Variants in LTBP2 observed in about 807,000 individuals in gnomAD.
The protein encoded by LTBP2 is latent-transforming growth factor beta-binding protein 2.
In LTBP2, 103 loss-of-function variants were observed where a neutral mutation model predicts 210.6. The observed-to-expected ratio is 0.49, with a 90% CI of 0.42 to 0.58. The LOEUF is 0.58. LTBP2 is among the 20% of genes least tolerant of loss of function. LTBP2 has a pLI of 0.00. For missense variants in LTBP2, 2,313 were observed against 2,494.5 expected, an observed-to-expected ratio of 0.93 and a Z score of 1.55; for synonymous variants, 1,007 against 1,015.0, an observed-to-expected ratio of 0.99 and a Z score of 0.15.
chr14:74,606,423 C>T (rs1366887988), intron 1 of LTBP2, among the ~76,000 whole-genome samples: 2 of 152,226 alleles, frequency 1.3e-5, no homozygotes, highest in African/African-American at 4.8e-5. Flanking sequence ...CCCCAGTTAC[C>T]CTATGGATTT....
intron 2 of LTBP2, among the ~76,000 whole-genome samples, chr14:74,601,479 C>T (rs747339723): frequency 1.5e-4 from 23 of 152,230 alleles, no homozygotes; most frequent in Non-Finnish European, 2.8e-4. Flanking sequence ...ACCTCTGAGC[C>T]GCCCCCAGGC....
chr14:74,573,291 C>T (rs912301886), intron 3 of LTBP2, among the ~76,000 whole-genome samples: 7 of 152,336 alleles, frequency 4.6e-5, no homozygotes, highest in African/African-American at 1.7e-4. Flanking sequence ...CATGGGAATA[C>T]CCTCCTCACA....
chr14:74,506,177 C>A lies in LTBP2; in HGVS notation c.4048G>T (p.Glu1350Ter). 2 of 1,614,230 alleles carry A rather than the reference C, an allele frequency of 1.2e-6. No individual in the cohort carries two copies. The highest frequency in any genetic ancestry group is 1.7e-6 in the Non-Finnish European group (2 of 1,180,048). The change falls in exon 28 of 36, where the codon GAG becomes TAG. Residue 1350 changes from glutamate to a stop codon, truncating the protein, a stop_gained. Transcript: ENST00000261978. LOFTEE classifies it high-confidence loss of function. The part of the protein sequence containing the change: ...GWDCVDVNEC[E>*]LMLAVCGAAL... ...GCCCCACATACCGCCAGCATAAGCTCACACTCGTTCACATCTGCCAGGTGT... is the reference window on the plus strand; with the variant it reads ...GCCCCACATACCGCCAGCATAAGCTAACACTCGTTCACATCTGCCAGGTGT...
chr14:74,532,709 T>A (rs923512198), intron 9 of LTBP2, among the ~76,000 whole-genome samples, 161 bp from the exon 10 acceptor site: 3 of 152,210 alleles, frequency 2.0e-5, no homozygotes, highest in Admixed American at 2.0e-4. Flanking sequence ...AGTTTCCTCA[T>A]TTGTAAAATG....
intron 2 of LTBP2, among the ~76,000 whole-genome samples, chr14:74,589,600 C>A (rs183725603): frequency 1.3e-5 from 2 of 152,172 alleles, no homozygotes; most frequent in African/African-American, 4.8e-5. Flanking sequence ...ACTGCCACCA[C>A]GGCAGGATTT....
intron 17 of LTBP2, among the ~76,000 whole-genome samples, chr14:74,520,017 C>A (rs2139707627): frequency 6.6e-6 from 1 of 152,344 alleles, no homozygotes; most frequent in South Asian, 2.1e-4. Flanking sequence ...TGCTCACAGA[C>A]TTCTACTGGC....
intron 7 of LTBP2, among the ~76,000 whole-genome samples, chr14:74,550,860 C>T (rs2087643265): frequency 6.6e-6 from 1 of 152,222 alleles, no homozygotes; most frequent in African/African-American, 2.4e-5. Context: ...TATTGACAAG[C>T]ACCAAGTAGA....
At chr14:74,540,597 C>G (rs1185210772) in intron 8 of LTBP2, among the ~76,000 whole-genome samples, 1 of 149,664 alleles carries the variant, frequency 6.7e-6, no homozygotes, top group Non-Finnish European at 1.5e-5. Context: ...AACCCCATCT[C>G]TACTAAAAAT....
chr14:74,511,129 G>T (rs1435326503), intron 19 of LTBP2, 116 bp downstream of exon 19: 3 of 1,523,682 alleles, frequency 2.0e-6, no homozygotes, highest in African/African-American at 2.7e-5. Flanking sequence ...GATCATGGAG[G>T]ACAACAGCCT....
intron 18 of LTBP2, among the ~76,000 whole-genome samples, chr14:74,512,226 A>T (rs534698096): frequency 1.3e-5 from 2 of 152,358 alleles, no homozygotes; most frequent in African/African-American, 4.8e-5. Flanking sequence ...ACTCTGAGTC[A>T]GCACTGCAGG....
intron 19 of LTBP2, 27 bp from the exon 20 acceptor site, chr14:74,510,240 G>A: frequency 6.2e-7 from 1 of 1,611,630 alleles, no homozygotes; most frequent in Non-Finnish European, 8.5e-7. Flanking sequence ...CAAGACGGTG[G>A]GCTGGCCTCC....
intron 6 of LTBP2, 76 bp downstream of exon 6, chr14:74,552,111 C>T (rs1446743402): frequency 2.1e-6 from 3 of 1,407,502 alleles, no homozygotes; most frequent in Non-Finnish European, 2.9e-6. Context: ...CTATCCCTGT[C>T]ACAGCCATGG....
In LTBP2 at chr14:74,585,894, C is replaced by T. The variant is rs1282485974; in HGVS notation, c.790G>A (p.Ala264Thr). The stretch of plus-strand genomic sequence containing the variant: ...TGTGGTGCGGGCGGCGACTGTGGTG[C>T]TGGCGGCTGTGCTCTGGCCAAGGTG... ...EGTLARAQPP[A>T]PQSPPAPQSP... The change falls in exon 3 of 36, where the codon GCA becomes ACA. Residue 264 changes from alanine (A) to threonine (T), a missense_variant. Physicochemically the swap from Ala to Thr is moderately conservative, Grantham distance 58 (BLOSUM62 0). Around this residue, in one of 3 missense-constraint regions of LTBP2, gnomAD observed 1,867 missense variants for 1,976.9 expected, o/e 0.94. Transcript: ENST00000261978. The T allele has an allele frequency of 1.2e-6, 2 of 1,613,922 alleles. No individual in the cohort carries two copies. The highest frequency in any genetic ancestry group is 2.2e-5 in the East Asian group (1 of 44,890).
intron 9 of LTBP2, among the ~76,000 whole-genome samples, chr14:74,534,018 G>A (rs1457323367): frequency 6.6e-6 from 1 of 152,216 alleles, no homozygotes. Flanking sequence ...ACAGGAACGA[G>A]GGACTGAAAG....
At chr14:74,513,684 T>C (rs2139700690) in intron 18 of LTBP2, among the ~76,000 whole-genome samples, 1 of 152,254 alleles carries the variant, frequency 6.6e-6, no homozygotes, top group African/African-American at 2.4e-5. Flanking sequence ...GCACCTGTAG[T>C]CCCAGCCACT....
Position 74,503,315 on chromosome 14 carries a change from G to C in LTBP2, c.4792C>G (p.Pro1598Ala), listed in dbSNP as rs2086937821. ...KKVTNDVCSE[P>A]LRGHRTTYTE... Reference sequence around the variant, plus strand: ...TAGGTGGTGCGGTGCCCACGCAGGGGTTCGCTGCACACATCATTGGTGACT... The same window carrying C: ...TAGGTGGTGCGGTGCCCACGCAGGGCTTCGCTGCACACATCATTGGTGACT... The change falls in exon 33 of 36, where the codon CCC (proline) becomes GCC (alanine). Residue 1598 changes from proline to alanine, a missense_variant. Around this residue, in one of 3 missense-constraint regions of LTBP2, gnomAD observed 443 missense variants for 501.4 expected, o/e 0.88. Transcript: ENST00000261978. The C allele has an allele frequency of 6.2e-7, 1 of 1,613,884 alleles. No individual in the cohort carries two copies. Among genetic ancestry groups the C allele is most frequent in the African/African-American group, 1.3e-5 (1 of 74,942 alleles).
At chr14:74,599,714 C>T (rs1595301384) in intron 2 of LTBP2, among the ~76,000 whole-genome samples, 1 of 152,232 alleles carries the variant, frequency 6.6e-6, no homozygotes, top group East Asian at 1.9e-4. Context: ...ACCTGCAGAA[C>T]AGGGCGGAAG....
At chr14:74,546,225 A>G (rs1305845796) in intron 8 of LTBP2, among the ~76,000 whole-genome samples, 1 of 152,192 alleles carries the variant, frequency 6.6e-6, no homozygotes, top group African/African-American at 2.4e-5. Flanking sequence ...AGGGGCTCAG[A>G]GAGGCAAAGC....
intron 3 of LTBP2, among the ~76,000 whole-genome samples, chr14:74,581,997 A>G (rs985063129): frequency 2.0e-5 from 3 of 150,632 alleles, no homozygotes; most frequent in African/African-American, 7.3e-5. Flanking sequence ...CCATGTTGTG[A>G]CAAAGCCTGC....
Sources: gnomAD v4.1 joint callset for allele counts (sites outside exome capture counted in the v4.1 genomes callset) on GRCh38, gnomAD v4.1.1 for gene constraint, gnomAD v4.1.1 regional missense constraint, MANE v1.5 for transcripts, NCBI Gene and HGNC (gene_info 2026-07-23, HGNC 2026-07-21) for gene names.